The following SERPINE3 variants were observed in gnomAD, a reference collection of about 807,000 sequenced individuals.
SERPINE3 encodes serpin family E member 3, also known as serpin E3.
A neutral mutation model predicts 41.7 loss-of-function variants in SERPINE3; 43 were observed. The observed-to-expected ratio is 1.03, with a 90% CI of 0.81 to 1.33. The LOEUF is 1.33. SERPINE3 is among the 40% of genes most tolerant of loss of function. The pLI is 0.00. For synonymous variants in SERPINE3, 200 were observed against 192.2 expected, an observed-to-expected ratio of 1.04 and a Z score of -0.34; for missense variants, 440 against 491.7, an observed-to-expected ratio of 0.89 and a Z score of 0.99.
chr13:51,340,554 AG>A (rs1314823875), intron 1 of SERPINE3, among the ~76,000 whole-genome samples: 1 of 152,220 alleles, frequency 6.6e-6, no homozygotes, highest in Non-Finnish European at 1.5e-5. Flanking sequence ...TGGGCCTCAA[AG>A]GTTCAATCAT....
intron 8 of SERPINE3, 37 bp from the exon 9 acceptor site, chr13:51,361,773 C>T: frequency 1.9e-6 from 3 of 1,539,936 alleles, no homozygotes; most frequent in Non-Finnish European, 2.6e-6. Context: ...TAAAAATGCA[C>T]AGAAAATGCA....
At chr13:51,343,652 G>A (rs1189726154) in intron 3 of SERPINE3, among the ~76,000 whole-genome samples, 3 of 152,216 alleles carry the variant, frequency 2.0e-5, no homozygotes, top group Admixed American at 6.5e-5. Flanking sequence ...GGAAACGGGG[G>A]ATGGGAGGAG....
intron 5 of SERPINE3, 74 bp from the exon 6 acceptor site, chr13:51,348,139 C>G (rs1192222693): frequency 5.1e-6 from 6 of 1,178,874 alleles, no homozygotes; most frequent in Admixed American, 2.2e-5. Context: ...GAGCCAGCCT[C>G]TCTCAGGGTC....
Position 51,347,043 on chromosome 13 carries a change from GC to G in SERPINE3, c.512del (p.Pro171LeufsTer19). 6.3e-7 allele frequency: 1 copy of G among 1,586,168 alleles called. No homozygotes were observed. Among genetic ancestry groups the G allele is most frequent in the Non-Finnish European group, 8.6e-7 (1 of 1,165,836 alleles). ...CTTGCAGGTGGGGGCCCCAGTGAGGGCCCTGGTGGCTGGCCGTGGGAGCAAG... is the reference window on the plus strand; with the variant it reads ...CTTGCAGGTGGGGGCCCCAGTGAGGGCCTGGTGGCTGGCCGTGGGAGCAAG... ...RETAGGGPSE[G>X]PGGWPWEQVS... is the part of the protein sequence containing the mutation. On this transcript the variant is annotated frameshift_variant, in exon 5 of 10. Coordinates refer to ENST00000681248, the MANE Select transcript of SERPINE3 (RefSeq NM_001386375.1). LOFTEE classifies it high-confidence loss of function.
chr13:51,344,361 A>G lies in SERPINE3; in HGVS notation c.366A>G (p.Pro122=), dbSNP rs1955324500. The G allele has an allele frequency of 1.2e-6, 2 of 1,613,716 alleles. No individual in the cohort carries two copies. The highest frequency in any genetic ancestry group is 1.7e-6 in the Non-Finnish European group (2 of 1,179,800). Reference sequence around the variant, plus strand: ...GCCTTTTTGTGCAAGTGGGAACGCCACTGTCCCCCTGCTTTGTGGAGCACG... The same window carrying G: ...GCCTTTTTGTGCAAGTGGGAACGCCGCTGTCCCCCTGCTTTGTGGAGCACG... ...ACSLFVQVGT[P]LSPCFVEHVS... Residue 122 remains proline (P), a synonymous_variant, in exon 4 of 10, where the codon CCA becomes CCG. Transcript: ENST00000681248.
In SERPINE3 at chr13:51,340,819, A is replaced by C. The variant is rs1214223812; in HGVS notation, c.-60A>C. On this transcript the variant is annotated 5_prime_UTR_variant, in exon 2 of 10. Coordinates refer to ENST00000681248, the MANE Select transcript of SERPINE3 (RefSeq NM_001386375.1). ...AAGTCACACATCCAGTAAGTGGCCG[A>C]AGCAGATCTTCAGACCCACAGTTTG... 1.9e-6 allele frequency: 1 copy of C among 538,658 alleles called. No homozygotes were observed. Among genetic ancestry groups the C allele is most frequent in the Non-Finnish European group, 3.3e-6 (1 of 300,008 alleles). 33.4% of individuals were successfully genotyped at this position (538,658 alleles called of 1,614,324 possible). A position where few individuals can be genotyped will look rare whatever the true frequency, so the allele number is the denominator to read the frequency against.
chr13:51,357,686 T>C (rs1184820525), intron 7 of SERPINE3, among the ~76,000 whole-genome samples: 3 of 152,014 alleles, frequency 2.0e-5, no homozygotes, highest in Non-Finnish European at 2.9e-5. Context: ...GTCTCCTTGA[T>C]ACTAGATGTT....
Position 51,344,505 on chromosome 13 carries a change from T to G in SERPINE3, c.490+20T>G. 6.5e-7 allele frequency: 1 copy of G among 1,536,332 alleles called. No homozygotes were observed. ...CTGCAGGTAAAAGAAAACTGTACAT[T>G]TCAACAAGGCTAAGGCAGAGGGCTG... On this transcript the variant is annotated intron_variant, in intron 4 of 9. Coordinates refer to ENST00000681248, the MANE Select transcript of SERPINE3 (RefSeq NM_001386375.1).
chr13:51,344,337 C>T lies in SERPINE3; in HGVS notation c.342C>T (p.Ser114=), dbSNP rs1319293449. ...SQGTEMELAC[S]LFVQVGTPLS... is the part of the protein sequence containing the mutation. ...GCACCGAGATGGAGCTGGCCTGCAG[C>T]CTTTTTGTGCAAGTGGGAACGCCAC... The change falls in exon 4 of 10, where the codon AGC becomes AGT. Residue 114 remains serine, a synonymous_variant. Coordinates refer to ENST00000681248, the MANE Select transcript of SERPINE3 (RefSeq NM_001386375.1). 1.9e-6 allele frequency: 3 copies of T among 1,613,836 alleles called. No individual in the cohort carries two copies. In the South Asian group the frequency reaches 3.3e-5, roughly 18 times the overall value.
At chr13:51,358,862 T>C (rs1433359278) in intron 7 of SERPINE3, among the ~76,000 whole-genome samples, 1 of 152,096 alleles carries the variant, frequency 6.6e-6, no homozygotes, top group Admixed American at 6.6e-5. Context: ...TATGGTGGGC[T>C]ACAGTTTCCC....
In SERPINE3 at chr13:51,347,184, G is replaced by A; in HGVS notation, c.650G>A (p.Gly217Asp). ...TQILPFTCAY[G>D]LVLQVPMMHQ... is the part of the protein sequence containing the mutation. ...ATCCTGCCTTTCACCTGTGCCTATG[G>A]CCTCGTCCTTCAGGTCCCCATGATG... is the stretch of plus-strand genomic sequence containing the variant. Residue 217 changes from glycine to aspartate, a missense_variant, in exon 5 of 10, where the codon GGC becomes GAC. Transcript: ENST00000681248. The A allele has an allele frequency of 6.2e-7, 1 of 1,613,982 alleles. No homozygotes were observed. The highest frequency in any genetic ancestry group is 8.5e-7 in the Non-Finnish European group (1 of 1,179,888).
rs1955373765 is a variant in SERPINE3 at position 51,348,498 on chromosome 13, T to A, written c.899+87T>A. 4 of 1,122,692 alleles carry A rather than the reference T, an allele frequency of 3.6e-6. No homozygotes were observed. The Admixed American group carries it at 5.9e-5, about 17-fold the overall frequency. 69.5% of individuals were successfully genotyped at this position (1,122,692 alleles called of 1,614,324 possible). A position where few individuals can be genotyped will look rare whatever the true frequency, so the allele number is the denominator to read the frequency against. On this transcript the variant is annotated intron_variant, in intron 6 of 9. Transcript: ENST00000681248. Reference sequence around the variant, plus strand: ...GCACACAGGTGGTCTGCCTCCAGGGTCTGTGCTTAGCCACTGGGATGACTT... The same window carrying A: ...GCACACAGGTGGTCTGCCTCCAGGGACTGTGCTTAGCCACTGGGATGACTT...
At chr13:51,346,987 A>ACC (rs1175476374) in intron 4 of SERPINE3, 38 bp from the exon 5 acceptor site, 3 of 1,471,476 alleles carry the variant, frequency 2.0e-6, no homozygotes, top group Non-Finnish European at 2.8e-6. Context: ...GTTTCAATGC[A>ACC]CATTTAACCC....
intron 2 of SERPINE3, 82 bp from the exon 3 acceptor site, chr13:51,340,993 G>A (rs898928223): frequency 7.1e-7 from 1 of 1,399,020 alleles, no homozygotes; most frequent in Non-Finnish European, 9.8e-7. Context: ...ACAGAGCTGG[G>A]GGTCCCAGTC....
In SERPINE3 at chr13:51,348,419, G is replaced by A. The variant is rs749211736; in HGVS notation, c.899+8G>A. 1 of 1,610,424 alleles carries A rather than the reference G, an allele frequency of 6.2e-7. No individual in the cohort carries two copies. The highest frequency in any genetic ancestry group is 1.3e-5 in the African/African-American group (1 of 74,904). ...GGATGTGTTCCTGCCCAGGTGAGCA[G>A]CTGAGTCCCCCTCACAGGTGCTGTG... On this transcript the variant is annotated splice_region_variant and intron_variant, in intron 6 of 9. Coordinates refer to ENST00000681248, the MANE Select transcript of SERPINE3 (RefSeq NM_001386375.1).
chr13:51,340,062 C>CA (rs1363466391), intron 1 of SERPINE3, among the ~76,000 whole-genome samples: 1 of 152,150 alleles, frequency 6.6e-6, no homozygotes, highest in East Asian at 1.9e-4. Flanking sequence ...AAATAGGCAC[C>CA]ATCGTGCTCA....
chr13:51,355,875 T>C (rs1286483787), intron 7 of SERPINE3, among the ~76,000 whole-genome samples: 1 of 152,234 alleles, frequency 6.6e-6, no homozygotes, highest in East Asian at 1.9e-4. Context: ...AAATTATCTG[T>C]GCAAAGATGA....
Position 51,361,816 on chromosome 13 carries a change from T to G in SERPINE3, c.1094T>G (p.Leu365Trp). The G allele has an allele frequency of 6.2e-7, 1 of 1,604,384 alleles. No individual in the cohort carries two copies. The highest frequency in any genetic ancestry group is 2.2e-5 in the East Asian group (1 of 44,748). ...TTTTCTTTCTTTCCTGCAGCTCTGT[T>G]GTTATTGAAAAGGTCTCGGATTCCT... ...GTKASGATALLLLKRSRIPIF... is the reference protein window; with the variant it reads ...GTKASGATALWLLKRSRIPIF... The change falls in exon 9 of 10, where the codon TTG (leucine) becomes TGG (tryptophan). Residue 365 changes from leucine (L) to tryptophan (W), a missense_variant. Physicochemically the swap from Leu to Trp is moderately conservative, Grantham distance 61. Transcript: ENST00000681248.
chr13:51,347,817 T>C (rs1955362588), intron 5 of SERPINE3, among the ~76,000 whole-genome samples: 1 of 152,104 alleles, frequency 6.6e-6, no homozygotes, highest in Non-Finnish European at 1.5e-5. Context: ...TTAGTAGCCA[T>C]CTCAGTCATC....
Sources: gnomAD v4.1 joint callset for allele counts (sites outside exome capture counted in the v4.1 genomes callset) on GRCh38, gnomAD v4.1.1 for gene constraint, MANE v1.5 for transcripts, NCBI Gene and HGNC (gene_info 2026-07-23, HGNC 2026-07-21) for gene names.